Variants in CCDC141 observed in about 807,000 individuals in gnomAD.
CCDC141 encodes the protein coiled-coil domain containing 141, also known as coiled-coil domain-containing protein 141.
A neutral mutation model predicts 181.0 loss-of-function variants in CCDC141; 168 were observed. The observed-to-expected ratio is 0.93, with a 90% CI of 0.82 to 1.05. The LOEUF is 1.05. Ranked by LOEUF, CCDC141 falls within the 50% of genes least tolerant of loss-of-function variation. CCDC141 has a pLI of 0.00. For synonymous variants in CCDC141, 666 were observed against 642.3 expected, an observed-to-expected ratio of 1.04 and a Z score of -0.56; for missense variants, 1,902 against 1,788.5, an observed-to-expected ratio of 1.06 and a Z score of -1.14.
chr2:178,931,213 CT>C (rs1372716283), intron 6 of CCDC141, among the ~76,000 whole-genome samples: 1 of 152,030 alleles, frequency 6.6e-6, no homozygotes, highest in Admixed American at 6.6e-5. Flanking sequence ...AATCTTCTAC[CT>C]TTCTGGTAGA....
At chr2:179,033,064 G>C (rs2043043804) in intron 2 of CCDC141, among the ~76,000 whole-genome samples, 1 of 147,674 alleles carries the variant, frequency 6.8e-6, no homozygotes, top group South Asian at 2.1e-4. Flanking sequence ...ATGCATTCTG[G>C]CTAAGGCTAA....
At chr2:179,010,938 C>T (rs1233625944) in intron 2 of CCDC141, among the ~76,000 whole-genome samples, 2 of 152,062 alleles carry the variant, frequency 1.3e-5, no homozygotes, top group Non-Finnish European at 2.9e-5. Flanking sequence ...TTGGGTAGAT[C>T]ACAAGGTCAG....
chr2:178,878,748 T>C (rs1217857593), intron 11 of CCDC141, among the ~76,000 whole-genome samples: 1 of 152,222 alleles, frequency 6.6e-6, no homozygotes, highest in Non-Finnish European at 1.5e-5. Context: ...TAAAAACTAA[T>C]TATTGAAGCC....
At chr2:178,915,282 TATG>T (rs1165367280) in intron 7 of CCDC141, among the ~76,000 whole-genome samples, 2 of 152,190 alleles carry the variant, frequency 1.3e-5, no homozygotes, top group African/African-American at 4.8e-5. Flanking sequence ...AAGGAATATA[TATG>T]ATATGAGAAA....
intron 2 of CCDC141, among the ~76,000 whole-genome samples, chr2:179,019,683 A>T (rs1208521307): frequency 1.3e-5 from 2 of 152,148 alleles, no homozygotes; most frequent in East Asian, 3.8e-4. Flanking sequence ...AAGTTGAAAC[A>T]ACATAGTTCC....
In CCDC141 at chr2:178,948,645, C is replaced by T. The variant is rs181793655; in HGVS notation, c.781-3994G>A. Among the ~76,000 whole-genome samples, 17 of 152,246 alleles carry T rather than the reference C, an allele frequency of 1.1e-4. No individual in the cohort carries two copies. The East Asian group carries it at 1.2e-3, about 10-fold the overall frequency. On this transcript the variant is annotated intron_variant, in intron 5 of 23. Transcript: ENST00000443758. ...ATGGAAGGTATTTGGATCACAGGAGCGGACCCCTCATGAATAGATTAATGC... is the reference window on the plus strand; with the variant it reads ...ATGGAAGGTATTTGGATCACAGGAGTGGACCCCTCATGAATAGATTAATGC...
rs566167422 is a variant in CCDC141 at position 179,028,102 on chromosome 2, T to A, written c.225+19182A>T. 1.4e-4 allele frequency among the ~76,000 whole-genome samples: 21 copies of A among 152,056 alleles called. No homozygotes were observed. In the South Asian group the frequency reaches 4.4e-3, roughly 32 times the overall value. Reference sequence around the variant, plus strand: ...CCCAGACTTCCCACCCAGGATACCATGAGATCAATTCCACTATGAGCACTG... The same window carrying A: ...CCCAGACTTCCCACCCAGGATACCAAGAGATCAATTCCACTATGAGCACTG... On this transcript the variant is annotated intron_variant, in intron 2 of 23. Transcript: ENST00000443758.
intron 2 of CCDC141, among the ~76,000 whole-genome samples, chr2:178,995,980 A>G (rs1692270147): frequency 6.6e-6 from 1 of 152,192 alleles, no homozygotes; most frequent in Non-Finnish European, 1.5e-5. Context: ...GTTCAAGAAT[A>G]TATAAGATGA....
At chr2:179,000,055 T>TACACACACAC (rs67309651) in intron 2 of CCDC141, among the ~76,000 whole-genome samples, 5 of 144,262 alleles carry the variant, frequency 3.5e-5, no homozygotes, top group African/African-American at 1.3e-4. Context: ...TTCATCACCA[T>TACACACACAC]ACACACACAC....
At position 178,905,187 on chromosome 2, in the gene CCDC141, A is replaced by G. The variant is rs571884535; in HGVS notation, c.1265+142T>C. On this transcript the variant is annotated intron_variant, in intron 8 of 23. Coordinates refer to ENST00000443758, the MANE Select transcript of CCDC141 (RefSeq NM_173648.4). Reference sequence around the variant, plus strand: ...TGTGTTCAGAATAGCTGTTGATCAAACTTCAATAGATCCTTTTAAGCCATA... The same window carrying G: ...TGTGTTCAGAATAGCTGTTGATCAAGCTTCAATAGATCCTTTTAAGCCATA... The G allele has an allele frequency of 1.5e-3, 1,099 of 750,022 alleles. 6 individuals carry two copies. Among genetic ancestry groups the G allele is most frequent in the Non-Finnish European group, 1.4e-3 (694 of 480,662 alleles). The allele number at this position is 750,022 out of a possible 1,614,324, so 46.5% of individuals were successfully genotyped here.
intron 12 of CCDC141, chr2:178,875,868 G>C (rs1040776158): frequency 2.0e-5 from 3 of 152,168 alleles, no homozygotes; most frequent in African/African-American, 7.2e-5. Context: ...CAACAGATGG[G>C]AGAAGACTGA....
Position 178,837,549 on chromosome 2 carries a change from C to A in CCDC141, c.3670G>T (p.Glu1224Ter). The A allele has an allele frequency of 1.2e-6, 2 of 1,613,864 alleles. No homozygotes were observed. The highest frequency in any genetic ancestry group is 1.7e-6 in the Non-Finnish European group (2 of 1,179,894). ...ATGTCAGATGGTGCAAGAGGGGACT[C>A]AGGGCTTCCTGGGAGAGGAGGCAAG... Reference protein sequence around the residue: ...ISLPPLPGSPESPLAPSDMEV... With the variant: ...ISLPPLPGSP The change falls in exon 23 of 24, where the codon GAG (glutamate) becomes TAG (stop). Residue 1224 changes from glutamate (E) to a stop codon, truncating the protein, a stop_gained. Coordinates refer to ENST00000443758, the MANE Select transcript of CCDC141 (RefSeq NM_173648.4). LOFTEE classifies it high-confidence loss of function.
At chr2:178,850,562 T>C (rs1189321657) in intron 20 of CCDC141, among the ~76,000 whole-genome samples, 1 of 152,188 alleles carries the variant, frequency 6.6e-6, no homozygotes, top group African/African-American at 2.4e-5. Flanking sequence ...ACTCTAGTTC[T>C]CTCCTGTATT....
In CCDC141 at chr2:179,049,955, C is replaced by A. The variant is rs1262587030; in HGVS notation, c.-14G>T. 1.9e-6 allele frequency: 3 copies of A among 1,550,208 alleles called. No homozygotes were observed. The highest frequency in any genetic ancestry group is 1.7e-6 in the Non-Finnish European group (2 of 1,146,830). ...TTGGCTGGACATGGTACTTTAGAAC[C>A]AGAGTTTATACTTTGGGCAGCCTCT... On this transcript the variant is annotated 5_prime_UTR_variant, in exon 1 of 24. Transcript: ENST00000443758.
rs1475964538 is a variant in CCDC141 at position 178,832,439 on chromosome 2, C to G, written c.*1734G>C. The G allele has an allele frequency of 8.0e-6, 1 of 125,318 alleles. No homozygotes were observed. Among genetic ancestry groups the G allele is most frequent in the Non-Finnish European group, 1.6e-5 (1 of 63,300 alleles). The allele number at this position is 125,318 out of a possible 1,614,324, so 7.8% of individuals were successfully genotyped here. ...AGTGAGCCAAGATGGCACCACTGCACTGGGCAAGAGAGCAAGACTCTTTCT... is the reference window on the plus strand; with the variant it reads ...AGTGAGCCAAGATGGCACCACTGCAGTGGGCAAGAGAGCAAGACTCTTTCT... On this transcript the variant is annotated 3_prime_UTR_variant, in exon 24 of 24. Transcript: ENST00000443758.
chr2:178,911,147 CA>C (rs1471756381), intron 7 of CCDC141, among the ~76,000 whole-genome samples: 1 of 152,126 alleles, frequency 6.6e-6, no homozygotes, highest in African/African-American at 2.4e-5. Context: ...TACACTTATT[CA>C]AAAAACATTG....
chr2:179,017,853 A>G (rs2042586988), intron 2 of CCDC141, among the ~76,000 whole-genome samples: 1 of 152,158 alleles, frequency 6.6e-6, no homozygotes, highest in Non-Finnish European at 1.5e-5. Context: ...TATGGCACTT[A>G]TAAGAAGAGC....
At chr2:178,986,512 AG>A (rs1691749568) in intron 2 of CCDC141, among the ~76,000 whole-genome samples, 2 of 152,198 alleles carry the variant, frequency 1.3e-5, no homozygotes, top group African/African-American at 4.8e-5. Context: ...AATCAGGAAA[AG>A]GGGAAGTCAA....
intron 22 of CCDC141, 114 bp downstream of exon 22, chr2:178,845,512 A>G: frequency 1.5e-6 from 1 of 664,210 alleles, no homozygotes; most frequent in Non-Finnish European, 2.7e-6. Flanking sequence ...TTACACTGGG[A>G]AATTCTATTT....
Sources: allele counts gnomAD v4.1 joint callset (sites outside exome capture counted in the v4.1 genomes callset), GRCh38; gene constraint gnomAD v4.1.1; transcripts MANE v1.5; gene names NCBI Gene and HGNC (gene_info 2026-07-23, HGNC 2026-07-21).